The following USP31 variants were observed in gnomAD, a reference collection of about 807,000 sequenced individuals.
USP31 encodes ubiquitin specific peptidase 31, also known as ubiquitin carboxyl-terminal hydrolase 31.
In USP31, 44 loss-of-function variants were observed where a neutral mutation model predicts 119.4. The ratio of observed to expected loss-of-function variants is 0.37; its 90% CI spans 0.29 to 0.47. The LOEUF is 0.47. USP31 is among the 20% of genes least tolerant of loss of function. The probability of loss-of-function intolerance (pLI) is 0.99; values close to 1 mark genes in which losing one functional copy is unlikely to be tolerated. For synonymous variants in USP31, 749 were observed against 705.6 expected, an observed-to-expected ratio of 1.06 and a Z score of -0.97; for missense variants, 1,643 against 1,730.2, an observed-to-expected ratio of 0.95 and a Z score of 0.89.
rs764853607 is a variant in USP31 at position 23,102,464 on chromosome 16, C to A, written c.1090-1G>T. 2.5e-6 allele frequency: 4 copies of A among 1,595,636 alleles called. No individual in the cohort carries two copies. The highest frequency in any genetic ancestry group is 3.4e-6 in the Non-Finnish European group (4 of 1,173,120). ...CATAGTACATTTCTGTTAACACAAT[C>A]TAAAAATAGGAAAAATGTAAACAGG... On this transcript the variant is annotated splice_acceptor_variant, in intron 5 of 15. Coordinates refer to ENST00000219689, the MANE Select transcript of USP31 (RefSeq NM_020718.4). LOFTEE classifies it high-confidence loss of function.
Position 23,082,521 on chromosome 16 carries a change from T to C in USP31, c.1867A>G (p.Lys623Glu). 1 of 1,614,212 alleles carries C rather than the reference T, an allele frequency of 6.2e-7. No homozygotes were observed. Residue 623 changes from lysine to glutamate, a missense_variant, in exon 12 of 16, where the codon AAG (lysine) becomes GAG (glutamate). Lys to Glu is a moderately conservative substitution (Grantham distance 56). Transcript: ENST00000219689. Reference sequence around the variant, plus strand: ...GTAATGCTTCCCTGCTGCAGCTGCTTACAGTGTGGGCAACGCCAGGCATCA... The same window carrying C: ...GTAATGCTTCCCTGCTGCAGCTGCTCACAGTGTGGGCAACGCCAGGCATCA... Reference protein sequence around the residue: ...PDDAWRCPHCKQLQQGSITLS... With the variant: ...PDDAWRCPHCEQLQQGSITLS...
intron 1 of USP31, among the ~76,000 whole-genome samples, chr16:23,135,648 C>A (rs1903165721): frequency 6.6e-6 from 1 of 152,000 alleles, no homozygotes; most frequent in South Asian, 2.1e-4. Context: ...AAACAGTACA[C>A]TGAAAACCAC....
At chr16:23,112,685 T>C (rs1902359428) in intron 1 of USP31, among the ~76,000 whole-genome samples, 1 of 152,056 alleles carries the variant, frequency 6.6e-6, no homozygotes. Flanking sequence ...AAGGCATTAG[T>C]ATGTATAATG....
chr16:23,086,511 G>A (rs1596696559), intron 9 of USP31, among the ~76,000 whole-genome samples: 1 of 152,160 alleles, frequency 6.6e-6, no homozygotes, highest in Non-Finnish European at 1.5e-5. Flanking sequence ...GGTTGCTGGG[G>A]GTGGGAGGAG....
At chr16:23,109,806 A>G (rs1902244950) in intron 1 of USP31, among the ~76,000 whole-genome samples, 1 of 151,308 alleles carries the variant, frequency 6.6e-6, no homozygotes, top group African/African-American at 2.4e-5. Context: ...CATAAGGAAA[A>G]CATCAGACAA....
chr16:23,147,113 G>C (rs1281993161), intron 1 of USP31, among the ~76,000 whole-genome samples: 1 of 151,848 alleles, frequency 6.6e-6, no homozygotes, highest in African/African-American at 2.4e-5. Flanking sequence ...CGCTGTTTTT[G>C]TTTTGTTTTG....
intron 1 of USP31, among the ~76,000 whole-genome samples, chr16:23,127,226 G>A (rs769515255): frequency 4.6e-5 from 7 of 151,994 alleles, no homozygotes; most frequent in Non-Finnish European, 1.0e-4. Flanking sequence ...CCAGGAGTTC[G>A]AGACCAGCCT....
chr16:23,090,239 C>T (rs570039638), intron 7 of USP31, among the ~76,000 whole-genome samples: 173 of 152,028 alleles, frequency 1.1e-3, no homozygotes, highest in African/African-American at 4.0e-3. Flanking sequence ...ATAAAAAATC[C>T]GCTGGGTGTG....
chr16:23,141,089 A>G (rs540902479), intron 1 of USP31, among the ~76,000 whole-genome samples: 3 of 152,316 alleles, frequency 2.0e-5, no homozygotes, highest in East Asian at 1.9e-4. Context: ...TTTAAAGCCT[A>G]TAACAGCCCC....
At chr16:23,088,439 T>C (rs1167970792) in intron 7 of USP31, among the ~76,000 whole-genome samples, 1 of 152,196 alleles carries the variant, frequency 6.6e-6, no homozygotes, top group African/African-American at 2.4e-5. Flanking sequence ...GTCTGGAATA[T>C]GATCTGAGCA....
At chr16:23,131,537 G>A (rs565741766) in intron 1 of USP31, among the ~76,000 whole-genome samples, 42 of 152,254 alleles carry the variant, frequency 2.8e-4, no homozygotes, top group African/African-American at 8.9e-4. Flanking sequence ...CAAAAATGTT[G>A]TTGGGGACAG....
At chr16:23,097,132 T>TA (rs1329585379) in intron 6 of USP31, among the ~76,000 whole-genome samples, 1 of 151,864 alleles carries the variant, frequency 6.6e-6, no homozygotes, top group African/African-American at 2.4e-5. Flanking sequence ...AAGAATCAAA[T>TA]AGACACAATA....
chr16:23,093,292 T>C (rs1901451194), intron 6 of USP31, among the ~76,000 whole-genome samples: 1 of 152,296 alleles, frequency 6.6e-6, no homozygotes, highest in South Asian at 2.1e-4. Context: ...GGTCTAGTAT[T>C]ATACATCCTT....
At chr16:23,148,506 C>T (rs4967978) in intron 1 of USP31, 132 bp downstream of exon 1, 344,010 of 1,236,920 alleles carry the variant, frequency 0.28, 49,396 homozygotes, top group Admixed American at 0.36. Context: ...CACTGGTCGA[C>T]TGCCCAGACC....
At chr16:23,077,856 C>T (rs1900648126) in intron 13 of USP31, among the ~76,000 whole-genome samples, 1 of 152,054 alleles carries the variant, frequency 6.6e-6, no homozygotes, top group South Asian at 2.1e-4. Flanking sequence ...AAGACTCAAT[C>T]TCAAGGAAAT....
intron 1 of USP31, among the ~76,000 whole-genome samples, chr16:23,118,605 T>C (rs910023979): frequency 7.2e-5 from 11 of 152,302 alleles, no homozygotes; most frequent in Middle Eastern, 3.4e-3. Flanking sequence ...ACTTCTTACA[T>C]TACGTTTTAT....
chr16:23,117,144 T>C (rs890019584), intron 1 of USP31, among the ~76,000 whole-genome samples: 12 of 152,326 alleles, frequency 7.9e-5, no homozygotes, highest in African/African-American at 2.9e-4. Context: ...GATTTCAGAT[T>C]GTCAGATTTA....
chr16:23,091,192 A>G (rs1213197734), intron 6 of USP31, among the ~76,000 whole-genome samples: 2 of 152,224 alleles, frequency 1.3e-5, no homozygotes, highest in African/African-American at 4.8e-5. Context: ...ATTCAATAGC[A>G]GTTTCTTCTC....
intron 5 of USP31, among the ~76,000 whole-genome samples, chr16:23,102,758 CAG>C (rs372314972): frequency 2.8e-4 from 43 of 152,168 alleles, no homozygotes; most frequent in African/African-American, 8.4e-4. Context: ...GTATACTGAA[CAG>C]AGTCTATTTT....
Sources: allele counts gnomAD v4.1 joint callset (sites outside exome capture counted in the v4.1 genomes callset), GRCh38; gene constraint gnomAD v4.1.1; transcripts MANE v1.5; gene names NCBI Gene and HGNC (gene_info 2026-07-23, HGNC 2026-07-21).